Variants in MMRN1 observed in about 807,000 individuals in gnomAD.
MMRN1 encodes multimerin-1.
Under a neutral mutation model 100.7 loss-of-function variants are expected in MMRN1, and 94 were observed. The observed-to-expected ratio is 0.93, with a 90% CI of 0.79 to 1.11. The LOEUF (loss-of-function observed/expected upper bound fraction) is 1.11. Among genes scored for constraint, MMRN1 ranks in the 50% least tolerant of loss-of-function variants. The pLI is 0.00. For synonymous variants in MMRN1, 575 were observed against 505.0 expected (o/e 1.14, Z -1.86); for missense variants, 1,606 against 1,439.1 (o/e 1.12, Z -1.88).
At chr4:89,933,967 T>C (rs536382691) in intron 5 of MMRN1, among the ~76,000 whole-genome samples, 11 of 152,180 alleles carry the variant, frequency 7.2e-5, no homozygotes, top group Admixed American at 4.6e-4. Flanking sequence ...TCATTTTCTA[T>C]TCTAAATAGT....
At chr4:89,900,143 C>T (rs1346008587) in intron 1 of MMRN1, among the ~76,000 whole-genome samples, 3 of 152,074 alleles carry the variant, frequency 2.0e-5, no homozygotes, top group Non-Finnish European at 2.9e-5. Flanking sequence ...TAAAGTATTT[C>T]GAAGGCAATG....
intron 3 of MMRN1, among the ~76,000 whole-genome samples, chr4:89,913,137 T>A (rs1283672250): frequency 6.6e-6 from 1 of 151,300 alleles, no homozygotes; most frequent in Non-Finnish European, 1.5e-5. Context: ...GATTTCTGAT[T>A]TCCATGAAGT....
chr4:89,949,229 T>C (rs1338387993), intron 6 of MMRN1, among the ~76,000 whole-genome samples: 1 of 152,220 alleles, frequency 6.6e-6, no homozygotes, highest in Non-Finnish European at 1.5e-5. Flanking sequence ...AGCACAGCTT[T>C]GATCCCTGAT....
chr4:89,909,538 A>G (rs1351525324), intron 2 of MMRN1, 143 bp downstream of exon 2: 7 of 1,043,684 alleles, frequency 6.7e-6, no homozygotes, highest in African/African-American at 1.6e-5. Flanking sequence ...GTAAGTGAAA[A>G]TGCAGACACT....
chr4:89,940,790 A>G (rs1578500534), intron 6 of MMRN1, among the ~76,000 whole-genome samples: 1 of 152,158 alleles, frequency 6.6e-6, no homozygotes, highest in East Asian at 1.9e-4. Context: ...TTCAATGTAT[A>G]TGCTTTTATT....
chr4:89,880,383 C>T (rs924299443), intron 1 of MMRN1, among the ~76,000 whole-genome samples: 5 of 152,078 alleles, frequency 3.3e-5, no homozygotes, highest in Admixed American at 6.6e-5. Context: ...TAATAGAGTG[C>T]TTAGCACAAA....
intron 1 of MMRN1, among the ~76,000 whole-genome samples, chr4:89,898,304 G>C (rs1027761834): frequency 6.6e-6 from 1 of 151,986 alleles, no homozygotes; most frequent in African/African-American, 2.4e-5. Context: ...CCATAAAGAA[G>C]AGGAAGATTT....
At chr4:89,939,522 C>T (rs539276673) in intron 6 of MMRN1, among the ~76,000 whole-genome samples, 1 of 152,084 alleles carries the variant, frequency 6.6e-6, no homozygotes, top group Admixed American at 6.6e-5. Context: ...TTAACAATAC[C>T]TGTGAGGTAA....
At chr4:89,910,810 G>A (rs781350245) in intron 2 of MMRN1, among the ~76,000 whole-genome samples, 3 of 151,278 alleles carry the variant, frequency 2.0e-5, no homozygotes, top group Non-Finnish European at 3.0e-5. Flanking sequence ...AGACATACTC[G>A]GTTACCTGTC....
intron 1 of MMRN1, among the ~76,000 whole-genome samples, chr4:89,897,730 A>G (rs1721253578): frequency 1.3e-5 from 2 of 152,204 alleles, no homozygotes; most frequent in Non-Finnish European, 2.9e-5. Flanking sequence ...ATGAATATTT[A>G]TAATTTGCCC....
intron 6 of MMRN1, among the ~76,000 whole-genome samples, chr4:89,937,698 T>A (rs114583229): frequency 0.028 from 4,211 of 152,128 alleles, 133 homozygotes; most frequent in African/African-American, 0.073. Flanking sequence ...CGAAGACTGC[T>A]TCACTGTAAA....
In MMRN1 at chr4:89,951,501, T is replaced by C. The variant is rs1019274634; in HGVS notation, c.3119-104T>C. 9 of 1,253,064 alleles carry C rather than the reference T, an allele frequency of 7.2e-6. No homozygotes were observed. In the Admixed American group the frequency reaches 2.4e-4, roughly 33 times the overall value. 77.6% of individuals were successfully genotyped at this position (1,253,064 alleles called of 1,614,324 possible). A position where few individuals can be genotyped will look rare whatever the true frequency, so the allele number is the denominator to read the frequency against. On this transcript the variant is annotated intron_variant, in intron 6 of 7. Coordinates refer to ENST00000264790, the MANE Select transcript of MMRN1 (RefSeq NM_007351.3). ...GGGCCGTGGAGCCCATTTTTCTTAC[T>C]TAAAATTCAGTCTTTTTCCTATTCT...
chr4:89,928,039 C>T, intron 5 of MMRN1, 71 bp downstream of exon 5: 1 of 1,272,804 alleles, frequency 7.9e-7, no homozygotes, highest in Non-Finnish European at 1.1e-6. Context: ...TCTTTTCTTA[C>T]ATCACTTTGG....
At chr4:89,898,023 C>T (rs1303838913) in intron 1 of MMRN1, among the ~76,000 whole-genome samples, 2 of 152,098 alleles carry the variant, frequency 1.3e-5, no homozygotes, top group Non-Finnish European at 2.9e-5. Context: ...CCTGGAGAGC[C>T]TGAGGTTTTC....
chr4:89,942,228 A>G (rs1722854033), intron 6 of MMRN1, among the ~76,000 whole-genome samples: 1 of 152,184 alleles, frequency 6.6e-6, no homozygotes, highest in South Asian at 2.1e-4. Flanking sequence ...ACAATAGACG[A>G]TTTCTTTGAC....
intron 1 of MMRN1, among the ~76,000 whole-genome samples, chr4:89,882,524 C>A (rs2110567381): frequency 6.6e-6 from 1 of 151,808 alleles, no homozygotes; most frequent in South Asian, 2.1e-4. Context: ...TGCTCTTTTG[C>A]ATTTTTTTCC....
upstream of MMRN1, among the ~76,000 whole-genome samples, chr4:89,889,894 C>T (rs978213206): frequency 1.3e-5 from 2 of 152,088 alleles, no homozygotes; most frequent in Admixed American, 6.6e-5. Context: ...CAGACCCACC[C>T]CTGCATTTCT....
chr4:89,935,784 C>T lies in MMRN1; in HGVS notation c.2104C>T (p.Leu702Phe). The T allele has an allele frequency of 6.2e-7, 1 of 1,612,870 alleles. No individual in the cohort carries two copies. The highest frequency in any genetic ancestry group is 8.5e-7 in the Non-Finnish European group (1 of 1,179,536). ...IKELTKRHNL[L>F]RNEVQGRDDA... ...AGAACTTACAAAAAGACACAACTTA[C>T]TTAGAAATGAAGTACAGGGTCGTGA... Residue 702 changes from leucine to phenylalanine, a missense_variant, in exon 6 of 8, where the codon CTT becomes TTT. Transcript: ENST00000264790.
chr4:89,930,770 G>C (rs1011982351), intron 5 of MMRN1, among the ~76,000 whole-genome samples: 1 of 151,710 alleles, frequency 6.6e-6, no homozygotes, highest in Non-Finnish European at 1.5e-5. Flanking sequence ...ACCAGAAATC[G>C]AATTTTCTAA....
Sources: gnomAD v4.1 joint callset for allele counts (sites outside exome capture counted in the v4.1 genomes callset) on GRCh38, gnomAD v4.1.1 for gene constraint, MANE v1.5 for transcripts, NCBI Gene and HGNC (gene_info 2026-07-23, HGNC 2026-07-21) for gene names.